The following AKNA variants were observed in gnomAD, a reference collection of about 807,000 sequenced individuals.
AKNA encodes microtubule organization protein AKNA.
A neutral mutation model predicts 138.8 loss-of-function variants in AKNA; 67 were observed. The observed-to-expected ratio is 0.48, with a 90% confidence interval of 0.40 to 0.59. The LOEUF (loss-of-function observed/expected upper bound fraction) is 0.59, where lower values mean the gene tolerates loss of function less well. Ranked by LOEUF, AKNA falls within the 20% of genes least tolerant of loss-of-function variation. AKNA has a pLI of 0.00. For synonymous variants in AKNA, 737 were observed against 754.4 expected (o/e 0.98, Z 0.38); for missense variants, 1,813 against 1,880.4 (o/e 0.96, Z 0.66).
intron 1 of AKNA, among the ~76,000 whole-genome samples, chr9:114,382,590 A>C (rs1262622872): frequency 6.8e-6 from 1 of 146,414 alleles, no homozygotes; most frequent in East Asian, 2.0e-4. Context: ...CTCAAAAGGA[A>C]AAAAAAAAAA....
chr9:114,353,884 T>C (rs1831303902), intron 14 of AKNA, among the ~76,000 whole-genome samples: 1 of 152,234 alleles, frequency 6.6e-6, no homozygotes, highest in African/African-American at 2.4e-5. Context: ...CTCGCAGGAC[T>C]GGAAGTTGCT....
At chr9:114,391,742 T>C (rs1834346088), upstream of AKNA, among the ~76,000 whole-genome samples, 1 of 150,068 alleles carries the variant, frequency 6.7e-6, no homozygotes, top group South Asian at 2.1e-4. Context: ...CTCCCTGTAA[T>C]ACTTGGGAGG....
At chr9:114,372,614 C>T (rs907887256) in intron 4 of AKNA, among the ~76,000 whole-genome samples, 2 of 152,046 alleles carry the variant, frequency 1.3e-5, no homozygotes, top group Admixed American at 1.3e-4. Flanking sequence ...CACTCCATGA[C>T]CTTCAGAGGC....
At chr9:114,379,370 G>A (rs935649655) in intron 2 of AKNA, among the ~76,000 whole-genome samples, 1 of 152,266 alleles carries the variant, frequency 6.6e-6, no homozygotes, top group African/African-American at 2.4e-5. Context: ...AAAGGCACAG[G>A]ACAAGGTAGC....
rs768932685 is a variant in AKNA at position 114,359,719 on chromosome 9, TTCC to T, written c.2364_2366del (p.Glu790del). ...CTTCCAGGGAGTCACCTCCCCCCTC[TTCC>T]TCCTCCTCCTCCTCTCCTTCTTCCT... is the stretch of plus-strand genomic sequence containing the variant. On this transcript the variant is annotated inframe_deletion, in exon 11 of 22. Transcript: ENST00000374088. 82 of 1,607,328 alleles carry T rather than the reference TTCC, an allele frequency of 5.1e-5. No individual in the cohort carries two copies. The highest frequency in any genetic ancestry group is 1.8e-4 in the Admixed American group (11 of 59,510).
downstream of AKNA, chr9:114,330,747 C>G: frequency 6.2e-7 from 1 of 1,605,368 alleles, no homozygotes; most frequent in Non-Finnish European, 8.5e-7. Flanking sequence ...GCCACTTCTC[C>G]TCGATAACAT....
At chr9:114,391,533 A>G (rs1327066727), upstream of AKNA, among the ~76,000 whole-genome samples, 1 of 152,224 alleles carries the variant, frequency 6.6e-6, no homozygotes, top group Non-Finnish European at 1.5e-5. Flanking sequence ...CTGGTCACCC[A>G]GAAAAGAAAC....
chr9:114,397,274 T>C (rs920487283), upstream of AKNA, among the ~76,000 whole-genome samples: 1 of 152,202 alleles, frequency 6.6e-6, no homozygotes, highest in Non-Finnish European at 1.5e-5. Context: ...CTCTAACAGA[T>C]GGGCAGCCAT....
upstream of AKNA, among the ~76,000 whole-genome samples, chr9:114,390,700 G>A (rs930786004): frequency 5.3e-5 from 8 of 152,168 alleles, no homozygotes; most frequent in Non-Finnish European, 1.0e-4. Context: ...CAAGCTGGCC[G>A]CTGCTGCAGC....
Position 114,347,745 on chromosome 9 carries a change from G to A in AKNA, c.3377C>T (p.Thr1126Ile), listed in dbSNP as rs1265211690. The A allele has an allele frequency of 2.4e-5, 37 of 1,534,024 alleles. 1 individual carries two copies. Among genetic ancestry groups the A allele is most frequent in the Non-Finnish European group, 3.2e-5 (37 of 1,139,464 alleles). Reference protein sequence around the residue: ...TRGRPADSPATWGSHYGSKST... With the variant: ...TRGRPADSPAIWGSHYGSKST... ...CCACCTGCCATAATGGGAGCCCCAG[G>A]TGGCTGGGGAGTCTGCTGGCCGGCC... Residue 1126 changes from threonine (T) to isoleucine (I), a missense_variant, in exon 16 of 22, where the codon ACC becomes ATC. Transcript: ENST00000374088.
rs753229673 is a variant in AKNA, at chr9:114,347,873, C to T, written c.3249G>A (p.Glu1083=). 6.4e-7 allele frequency: 1 copy of T among 1,551,860 alleles called. No individual in the cohort carries two copies. The change falls in exon 16 of 22, where the codon GAG becomes GAA. Residue 1083 remains glutamate (E), a synonymous_variant. Coordinates refer to ENST00000374088, the MANE Select transcript of AKNA (RefSeq NM_001317950.2). ...RDQAICELQE[E]VSRLRLRLED... ...CCAGCCGCAGACGAAGCCGGGACAC[C>T]TCTTCTTGCAGCTCACAGATGGCCT...
At chr9:114,368,679 A>C in intron 4 of AKNA, 84 bp from the exon 5 acceptor site, 507 of 1,129,844 alleles carry the variant, frequency 4.5e-4, no homozygotes, top group South Asian at 5.6e-4. Context: ...TCAGGAGCTC[A>C]ACACACATGC....
chr9:114,349,457 A>C (rs1830949292), intron 15 of AKNA, among the ~76,000 whole-genome samples: 1 of 152,102 alleles, frequency 6.6e-6, no homozygotes, highest in Non-Finnish European at 1.5e-5. Context: ...ACCTCTTCCC[A>C]AATGAATCCC....
At position 114,376,677 on chromosome 9, in the gene AKNA, C is replaced by A; in HGVS notation, c.1130G>T (p.Arg377Leu). ...RVRFPKDESY[R>L]PPKSRSHNRK... is the part of the protein sequence containing the mutation. ...GTTGTGGCTTCTGGACTTGGGGGGA[C>A]GGTAGCTCTCATCTTTGGGGAATCT... Residue 377 changes from arginine to leucine, a missense_variant, in exon 3 of 22, where the codon CGT (arginine) becomes CTT (leucine). Transcript: ENST00000374088. 1 of 1,613,136 alleles carries A rather than the reference C, an allele frequency of 6.2e-7. No homozygotes were observed. Among genetic ancestry groups the A allele is most frequent in the South Asian group, 1.1e-5 (1 of 90,978 alleles).
intron 8 of AKNA, 66 bp from the exon 9 acceptor site, chr9:114,361,977 A>G: frequency 6.5e-7 from 1 of 1,537,500 alleles, no homozygotes; most frequent in Non-Finnish European, 8.8e-7. Context: ...GTCCAGGAAC[A>G]GAGTATCAGA....
chr9:114,377,282 G>C lies in AKNA; in HGVS notation c.525C>G (p.Gly175=), dbSNP rs149949844. Residue 175 remains glycine (G), a synonymous_variant, in exon 3 of 22, where the codon GGC becomes GGG. Coordinates refer to ENST00000374088, the MANE Select transcript of AKNA (RefSeq NM_001317950.2). ...AAAGTTTGTCCCCACTGGCTTGTTC[G>C]CCAGAAGCCACCCAGCCCCTGGCCT... The part of the protein sequence containing the change: ...HGQARGWVAS[G]EQASGDKLSE... The C allele has an allele frequency of 6.2e-7, 1 of 1,614,158 alleles. No homozygotes were observed. Among genetic ancestry groups the C allele is most frequent in the East Asian group, 2.2e-5 (1 of 44,884 alleles).
At chr9:114,344,118 G>T in intron 18 of AKNA, 1 of 248,644 alleles carries the variant, frequency 4.0e-6, no homozygotes, top group Non-Finnish European at 7.8e-6. Flanking sequence ...AACACACCCA[G>T]GCTAAGTCAG....
At position 114,356,227 on chromosome 9, in the gene AKNA, A is replaced by G. The variant is rs1348577638; in HGVS notation, c.2847-91T>C. On this transcript the variant is annotated intron_variant, in intron 13 of 21. Transcript: ENST00000374088. ...CTGAGCCCCTCCACATGCTAACCCA[A>G]TAAGCTCCCACCCTTTGTAACTTTG... The G allele has an allele frequency of 4.2e-6, 5 of 1,203,454 alleles. No homozygotes were observed. In the African/African-American group the frequency reaches 6.1e-5, roughly 15 times the overall value. The allele number at this position is 1,203,454 out of a possible 1,614,324, so 74.5% of individuals were successfully genotyped here. A position where few individuals can be genotyped will look rare whatever the true frequency, so the allele number is the denominator to read the frequency against.
intron 7 of AKNA, among the ~76,000 whole-genome samples, chr9:114,363,875 C>T (rs537561980): frequency 6.6e-6 from 1 of 152,278 alleles, no homozygotes; most frequent in East Asian, 1.9e-4. Context: ...GCCTACACTC[C>T]CAGACTTGAG....
Sources: allele counts gnomAD v4.1 joint callset (sites outside exome capture counted in the v4.1 genomes callset), GRCh38; gene constraint gnomAD v4.1.1; transcripts MANE v1.5; gene names NCBI Gene and HGNC (gene_info 2026-07-23, HGNC 2026-07-21).